The following TRIP11 variants were observed in gnomAD, a reference collection of about 807,000 sequenced individuals.
TRIP11 encodes the protein thyroid receptor-interacting protein 11.
In TRIP11, 148 loss-of-function variants were observed where a neutral mutation model predicts 223.1. The observed-to-expected ratio is 0.66, with a 90% CI of 0.58 to 0.76. TRIP11 has a LOEUF of 0.76. Ranked by LOEUF, TRIP11 falls within the 30% of genes least tolerant of loss-of-function variation. The probability of loss-of-function intolerance (pLI) is 0.00; values close to 1 mark genes in which losing one functional copy is unlikely to be tolerated. For missense variants in TRIP11, 2,043 were observed against 2,222.0 expected (o/e 0.92, Z 1.62); for synonymous variants, 762 against 772.6 (o/e 0.99, Z 0.23).
At position 91,968,752 on chromosome 14, in the gene TRIP11, C is replaced by T. The variant is rs1258608673; in HGVS notation, c.*921G>A. ...GGGAATTATGCTGAGTGAAAAAAAG[C>T]CAGTCTCAAGAGGGTATATATTGAT... On this transcript the variant is annotated 3_prime_UTR_variant, in exon 21 of 21. Coordinates refer to ENST00000267622, the MANE Select transcript of TRIP11 (RefSeq NM_004239.4). The T allele has an allele frequency of 8.7e-6, 2 of 228,610 alleles. No individual in the cohort carries two copies. The highest frequency in any genetic ancestry group is 1.7e-5 in the Non-Finnish European group (2 of 114,498). 14.2% of individuals were successfully genotyped at this position (228,610 alleles called of 1,614,324 possible). A position where few individuals can be genotyped will look rare whatever the true frequency, so the allele number is the denominator to read the frequency against.
chr14:91,999,552 A>C, intron 12 of TRIP11, 119 bp from the exon 13 acceptor site: 1 of 1,076,562 alleles, frequency 9.3e-7, no homozygotes. Context: ...AATTTCTCAT[A>C]CTGCAAAATG....
rs2056374390 is a variant in TRIP11 at position 91,969,488 on chromosome 14, C to G, written c.*185G>C. ...AGAAGGAATAAAGCAGATTATATAGCAAACACTTGCTCCTGACACCTGCAG... is the reference window on the plus strand; with the variant it reads ...AGAAGGAATAAAGCAGATTATATAGGAAACACTTGCTCCTGACACCTGCAG... On this transcript the variant is annotated 3_prime_UTR_variant, in exon 21 of 21. Transcript: ENST00000267622. 3.0e-6 allele frequency: 2 copies of G among 658,512 alleles called. No homozygotes were observed. Among genetic ancestry groups the G allele is most frequent in the Non-Finnish European group, 5.4e-6 (2 of 367,616 alleles). 40.8% of individuals were successfully genotyped at this position (658,512 alleles called of 1,614,324 possible).
At chr14:92,033,875 C>T (rs755170562) in intron 1 of TRIP11, among the ~76,000 whole-genome samples, 1 of 152,072 alleles carries the variant, frequency 6.6e-6, no homozygotes, top group Non-Finnish European at 1.5e-5. Context: ...TATTCTAGAG[C>T]TGCAGGCATA....
chr14:92,004,791 TGAA>T lies in TRIP11; in HGVS notation c.3182_3184del (p.Ile1061_Gln1062delinsLys), dbSNP rs751280901. Reference sequence around the variant, plus strand: ...AGCTTGTATCTCCAAATCTTTCTGCTGAATAATCTGAGTTAGTTTACCAACTTC... The same window carrying T: ...AGCTTGTATCTCCAAATCTTTCTGCTTAATCTGAGTTAGTTTACCAACTTC... On this transcript the variant is annotated inframe_deletion, in exon 11 of 21. Coordinates refer to ENST00000267622, the MANE Select transcript of TRIP11 (RefSeq NM_004239.4). 1 of 1,614,164 alleles carries T rather than the reference TGAA, an allele frequency of 6.2e-7. No individual in the cohort carries two copies. Among genetic ancestry groups the T allele is most frequent in the Non-Finnish European group, 8.5e-7 (1 of 1,180,020 alleles).
At chr14:91,970,310 G>A (rs1307514673) in intron 20 of TRIP11, among the ~76,000 whole-genome samples, 1 of 152,084 alleles carries the variant, frequency 6.6e-6, no homozygotes, top group Non-Finnish European at 1.5e-5. Context: ...CTACTTGGGA[G>A]GCTGAGGCTG....
In TRIP11 at chr14:92,040,009, C is replaced by G; in HGVS notation, c.-324G>C. On this transcript the variant is annotated 5_prime_UTR_variant, in exon 1 of 21. Transcript: ENST00000267622. ...TCCTCAGTTCCGTGGGTTACTCCTG[C>G]CAACTCGACGCCGGCCGCCATGACA... The G allele has an allele frequency of 2.3e-6, 1 of 442,202 alleles. No individual in the cohort carries two copies. Among genetic ancestry groups the G allele is most frequent in the Non-Finnish European group, 4.2e-6 (1 of 238,160 alleles). The allele number at this position is 442,202 out of a possible 1,614,324, so 27.4% of individuals were successfully genotyped here.
At chr14:92,016,510 C>A (rs530054297) in intron 5 of TRIP11, among the ~76,000 whole-genome samples, 1 of 152,164 alleles carries the variant, frequency 6.6e-6, no homozygotes. Flanking sequence ...TTCAATCCTG[C>A]GGATGGACTA....
chr14:92,004,572 T>G lies in TRIP11; in HGVS notation c.3404A>C (p.Lys1135Thr). Residue 1135 changes from lysine to threonine, a missense_variant, in exon 11 of 21, where the codon AAA (lysine) becomes ACA (threonine). By Grantham distance (78) the Lys-to-Thr change is moderately conservative (BLOSUM62 -1). Transcript: ENST00000267622. ...IVAAKEAALI[K>T]LQDENKKLST... ...CAATTTTTTATTTTCATCTTGCAGT[T>G]TGATAAGAGCTGCTTCCTTGGCAGC... 1.2e-6 allele frequency: 2 copies of G among 1,613,944 alleles called. No homozygotes were observed. The highest frequency in any genetic ancestry group is 1.1e-5 in the South Asian group (1 of 91,068).
At chr14:91,974,523 G>A (rs896487926) in intron 19 of TRIP11, 104 bp downstream of exon 19, 3 of 937,430 alleles carry the variant, frequency 3.2e-6, no homozygotes, top group African/African-American at 3.3e-5. Context: ...AAAATAAAAG[G>A]GTTGTATAAA....
chr14:92,012,086 AT>A (rs1566864481), intron 7 of TRIP11, among the ~76,000 whole-genome samples: 1 of 152,242 alleles, frequency 6.6e-6, no homozygotes, highest in Non-Finnish European at 1.5e-5. Flanking sequence ...AAAAATGCTA[AT>A]GACAACCAGG....
intron 2 of TRIP11, among the ~76,000 whole-genome samples, chr14:92,032,589 C>G (rs1387138136): frequency 6.6e-6 from 1 of 152,074 alleles, no homozygotes; most frequent in Non-Finnish European, 1.5e-5. Flanking sequence ...AATCCCAGCA[C>G]TTTGGGAGGC....
At chr14:92,033,497 TAGAA>T (rs1320721726) in intron 1 of TRIP11, among the ~76,000 whole-genome samples, 2 of 152,206 alleles carry the variant, frequency 1.3e-5, no homozygotes, top group Admixed American at 6.5e-5. Flanking sequence ...CTTTACCCCT[TAGAA>T]ATGTTCATTA....
intron 15 of TRIP11, among the ~76,000 whole-genome samples, chr14:91,990,940 G>A (rs1337863454): frequency 6.6e-6 from 1 of 152,186 alleles, no homozygotes; most frequent in East Asian, 1.9e-4. Context: ...GAGCTGACAA[G>A]AAAGTAAGTA....
At chr14:92,021,069 CA>C (rs1195189927) in intron 4 of TRIP11, among the ~76,000 whole-genome samples, 163 of 65,320 alleles carry the variant, frequency 2.5e-3, no homozygotes, top group Admixed American at 3.8e-3. Context: ...GACTCTGTCT[CA>C]AAAAAAAAAA....
At chr14:92,030,410 A>C (rs375072198) in intron 2 of TRIP11, 10 of 151,286 alleles carry the variant, frequency 6.6e-5, no homozygotes, top group Admixed American at 5.3e-4. Flanking sequence ...ATTTTTTTTG[A>C]GAGTCTCGCT....
rs1293534439 is a variant in TRIP11, at chr14:92,004,048, C to G, written c.3928G>C (p.Asp1310His). The change falls in exon 11 of 21, where the codon GAT becomes CAT. Residue 1310 changes from aspartate to histidine, a missense_variant. By Grantham distance (81) the Asp-to-His change is moderately conservative (BLOSUM62 -1). Coordinates refer to ENST00000267622, the MANE Select transcript of TRIP11 (RefSeq NM_004239.4). Reference protein sequence around the residue: ...NTKDLLLGKLDIISPQLSSAS... With the variant: ...NTKDLLLGKLHIISPQLSSAS... ...GAAGACAGCTGGGGTGAAATAATATCAAGTTTTCCTAAAAGAAGATCCTTG... is the reference window on the plus strand; with the variant it reads ...GAAGACAGCTGGGGTGAAATAATATGAAGTTTTCCTAAAAGAAGATCCTTG... 1.2e-6 allele frequency: 2 copies of G among 1,614,106 alleles called. No homozygotes were observed. The highest frequency in any genetic ancestry group is 1.7e-6 in the Non-Finnish European group (2 of 1,180,016).
chr14:91,992,079 CAAAAAAAAA>C (rs3031548), intron 15 of TRIP11, among the ~76,000 whole-genome samples: 1 of 59,726 alleles, frequency 1.7e-5, no homozygotes, highest in South Asian at 8.9e-4. Flanking sequence ...AACGCCGTCT[CAAAAAAAAA>C]AAAAAAAAAA....
chr14:92,023,558 G>A (rs915728718), intron 3 of TRIP11, among the ~76,000 whole-genome samples: 1 of 152,150 alleles, frequency 6.6e-6, no homozygotes, highest in East Asian at 1.9e-4. Flanking sequence ...GGAGCATTTC[G>A]AATTTTGGTA....
intron 3 of TRIP11, among the ~76,000 whole-genome samples, chr14:92,024,553 C>G (rs527857861): frequency 2.4e-4 from 36 of 152,148 alleles, no homozygotes; most frequent in African/African-American, 8.2e-4. Context: ...TATCTTTCAC[C>G]TTAGCATGTC....
Sources: allele counts gnomAD v4.1 joint callset (sites outside exome capture counted in the v4.1 genomes callset), GRCh38; gene constraint gnomAD v4.1.1; transcripts MANE v1.5; gene names NCBI Gene and HGNC (gene_info 2026-07-23, HGNC 2026-07-21).